Variants in LPP observed in about 807,000 individuals in gnomAD.
The protein encoded by LPP is LIM domain containing preferred translocation partner in lipoma, also known as lipoma-preferred partner.
A neutral mutation model predicts 60.4 loss-of-function variants in LPP; 38 were observed. The observed-to-expected ratio is 0.63, with a 90% CI of 0.49 to 0.83. LPP has a LOEUF of 0.83. Among genes scored for constraint, LPP ranks in the 40% least tolerant of loss-of-function variants. The pLI, the probability that LPP is intolerant of heterozygous loss-of-function variation, is 0.00. For synonymous variants in LPP, 328 were observed against 290.8 expected (o/e 1.13, Z -1.30); for missense variants, 902 against 783.6 (o/e 1.15, Z -1.80).
chr3:188,479,604 A>G (rs1439137740), intron 4 of LPP, among the ~76,000 whole-genome samples: 1 of 152,228 alleles, frequency 6.6e-6, no homozygotes, highest in Non-Finnish European at 1.5e-5. Context: ...AGATGGGCAT[A>G]TAAAGATAAA....
chr3:188,412,106 G>A (rs530102819), intron 4 of LPP, among the ~76,000 whole-genome samples: 2 of 152,068 alleles, frequency 1.3e-5, no homozygotes, highest in East Asian at 3.9e-4. Flanking sequence ...TTGTCTTGTG[G>A]CCTAGAATTC....
chr3:188,620,252 T>C (rs1845569302), intron 7 of LPP, among the ~76,000 whole-genome samples: 1 of 152,190 alleles, frequency 6.6e-6, no homozygotes, highest in African/African-American at 2.4e-5. Flanking sequence ...TTAAATATAG[T>C]ATATGTGCAA....
chr3:188,197,263 GC>G (rs1411379804), intron 1 of LPP, among the ~76,000 whole-genome samples: 1 of 152,110 alleles, frequency 6.6e-6, no homozygotes, highest in Non-Finnish European at 1.5e-5. Flanking sequence ...TGGTTATTGT[GC>G]CATGTTCTGC....
chr3:188,208,621 C>T (rs1577302920), intron 1 of LPP, among the ~76,000 whole-genome samples: 1 of 152,222 alleles, frequency 6.6e-6, no homozygotes, highest in African/African-American at 2.4e-5. Flanking sequence ...GCCACGTTTC[C>T]GGAACTGAGA....
At position 188,167,393 on chromosome 3, in the gene LPP, G is replaced by A. The variant is rs534981949; in HGVS notation, c.-190+13141G>A. 6.6e-4 allele frequency among the ~76,000 whole-genome samples: 101 copies of A among 152,296 alleles called. 1 individual carries two copies. Among genetic ancestry groups the A allele is most frequent in the African/African-American group, 2.4e-3 (100 of 41,548 alleles). On this transcript the variant is annotated intron_variant, in intron 1 of 11. Coordinates refer to ENST00000617246, the MANE Select transcript of LPP (RefSeq NM_001375462.1). Reference sequence around the variant, plus strand: ...TGTGCCTTTAGTCCCAGCTACTTGGGAAGCTGAGGCAGTAGAATTGCTTGA... The same window carrying A: ...TGTGCCTTTAGTCCCAGCTACTTGGAAAGCTGAGGCAGTAGAATTGCTTGA...
chr3:188,659,162 A>AT (rs1307430548), intron 7 of LPP, among the ~76,000 whole-genome samples: 3 of 152,098 alleles, frequency 2.0e-5, no homozygotes, highest in East Asian at 1.9e-4. Flanking sequence ...AGCAGGGATA[A>AT]TTTTTCTTCA....
intron 5 of LPP, among the ~76,000 whole-genome samples, chr3:188,490,994 C>T (rs546421517): frequency 1.3e-5 from 2 of 151,960 alleles, no homozygotes; most frequent in East Asian, 1.9e-4. Flanking sequence ...ATCTCCTGAC[C>T]TCGTGATCCG....
intron 1 of LPP, among the ~76,000 whole-genome samples, chr3:188,216,544 T>G (rs1367453866): frequency 6.6e-6 from 1 of 152,236 alleles, no homozygotes; most frequent in Non-Finnish European, 1.5e-5. Context: ...GTGATGGGAT[T>G]ACAGGCATGA....
chr3:188,190,497 C>A (rs1358139106), intron 1 of LPP, among the ~76,000 whole-genome samples: 1 of 152,194 alleles, frequency 6.6e-6, no homozygotes, highest in African/African-American at 2.4e-5. Context: ...CACGCTCTAA[C>A]TGTGCCATGC....
chr3:188,683,945 T>C (rs1425998959), intron 7 of LPP, among the ~76,000 whole-genome samples: 1 of 152,224 alleles, frequency 6.6e-6, no homozygotes, highest in African/African-American at 2.4e-5. Flanking sequence ...GAGGAAACAC[T>C]AGACTTGAAG....
chr3:188,318,170 A>G (rs1755670201), intron 2 of LPP, among the ~76,000 whole-genome samples: 2 of 152,192 alleles, frequency 1.3e-5, no homozygotes, highest in South Asian at 4.1e-4. Flanking sequence ...TTAATTTAGC[A>G]CAGTACTTTG....
chr3:188,839,020 A>T (rs554569245), intron 9 of LPP, among the ~76,000 whole-genome samples: 1 of 152,244 alleles, frequency 6.6e-6, no homozygotes, highest in East Asian at 1.9e-4. Context: ...TCAAAAGTAA[A>T]ATTTTTTAAA....
intron 4 of LPP, among the ~76,000 whole-genome samples, chr3:188,422,065 T>A (rs1001802805): frequency 3.3e-5 from 5 of 152,178 alleles, no homozygotes; most frequent in Non-Finnish European, 5.9e-5. Context: ...TGCATTTTTC[T>A]CATGGGGCTA....
chr3:188,333,570 G>A (rs1423390351), intron 2 of LPP, among the ~76,000 whole-genome samples: 1 of 152,200 alleles, frequency 6.6e-6, no homozygotes, highest in Admixed American at 6.5e-5. Context: ...TTCTCTTAAA[G>A]TGAGTTCTGC....
chr3:188,193,302 G>GATGA (rs1371504207), intron 1 of LPP, among the ~76,000 whole-genome samples: 1 of 152,140 alleles, frequency 6.6e-6, no homozygotes, highest in African/African-American at 2.4e-5. Flanking sequence ...ATAGCATGGC[G>GATGA]ATGAAGAACA....
At chr3:188,768,442 T>G (rs1398716864) in intron 9 of LPP, among the ~76,000 whole-genome samples, 1 of 152,194 alleles carries the variant, frequency 6.6e-6, no homozygotes, top group Non-Finnish European at 1.5e-5. Context: ...TTCCAGTTAT[T>G]CCATATTCAG....
chr3:188,813,635 A>G (rs1009970414), intron 9 of LPP, among the ~76,000 whole-genome samples: 1 of 152,190 alleles, frequency 6.6e-6, no homozygotes, highest in Non-Finnish European at 1.5e-5. Flanking sequence ...AGATAACCCT[A>G]AACACTGCAG....
intron 6 of LPP, among the ~76,000 whole-genome samples, chr3:188,552,877 AGT>A (rs1479727424): frequency 6.6e-6 from 1 of 152,166 alleles, no homozygotes; most frequent in Non-Finnish European, 1.5e-5. Context: ...GAGGAATTAG[AGT>A]GTGTACATTC....
intron 3 of LPP, among the ~76,000 whole-genome samples, chr3:188,360,959 A>G (rs1329191023): frequency 2.6e-5 from 4 of 152,230 alleles, no homozygotes; most frequent in Non-Finnish European, 5.9e-5. Context: ...CACAAATGCA[A>G]TGATGCTAAT....
Sources: gnomAD v4.1 joint callset for allele counts (sites outside exome capture counted in the v4.1 genomes callset) on GRCh38, gnomAD v4.1.1 for gene constraint, MANE v1.5 for transcripts, NCBI Gene and HGNC (gene_info 2026-07-23, HGNC 2026-07-21) for gene names.